MYO1E: variants seen among roughly 807,000 people sequenced by gnomAD.
MYO1E encodes unconventional myosin-Ie.
MYO1E carries 68 observed loss-of-function variants against 151.1 expected under a neutral mutation model. The ratio of observed to expected loss-of-function variants is 0.45; its 90% confidence interval spans 0.37 to 0.55. The LOEUF (loss-of-function observed/expected upper bound fraction) is 0.55, where lower values mean the gene tolerates loss of function less well. Among genes scored for constraint, MYO1E ranks in the 20% least tolerant of loss-of-function variants. The pLI, the probability that MYO1E is intolerant of heterozygous loss-of-function variation, is 0.00. For synonymous variants in MYO1E, 601 were observed against 501.7 expected (o/e 1.20, Z -2.64); for missense variants, 1,363 against 1,389.3 (o/e 0.98, Z 0.30).
chr15:59,246,747 C>G (rs1321260876), intron 4 of MYO1E, among the ~76,000 whole-genome samples: 2 of 152,192 alleles, frequency 1.3e-5, no homozygotes, highest in African/African-American at 4.8e-5. Context: ...GGCCCCCAGA[C>G]AAATCCACTG....
chr15:59,195,377 T>C, intron 17 of MYO1E, 84 bp downstream of exon 17: 1 of 1,220,586 alleles, frequency 8.2e-7, no homozygotes, highest in Non-Finnish European at 1.2e-6. Flanking sequence ...CAACTGACAC[T>C]GCTCCTGCCT....
rs754265600 is a variant in MYO1E at position 59,208,751 on chromosome 15, A to C, written c.1460T>G (p.Met487Arg). The C allele has an allele frequency of 1.9e-6, 3 of 1,614,194 alleles. No homozygotes were observed. Among genetic ancestry groups the C allele is most frequent in the Non-Finnish European group, 2.5e-6 (3 of 1,180,040 alleles). Residue 487 changes from methionine (M) to arginine (R), a missense_variant, in exon 14 of 28, where the codon ATG becomes AGG. Physicochemically the swap from Met to Arg is moderately conservative, Grantham distance 91. Coordinates refer to ENST00000288235, the MANE Select transcript of MYO1E (RefSeq NM_004998.4). ...GAAGTGCTCATGACTCCCAATCTGC[A>C]TCTGAAGTTTCTGGAGCAGCGTCTG... ...ADQTLLQKLQ[M>R]QIGSHEHFNS...
At chr15:59,148,779 C>T (rs1184416762) in intron 26 of MYO1E, among the ~76,000 whole-genome samples, 1 of 152,144 alleles carries the variant, frequency 6.6e-6, no homozygotes, top group Non-Finnish European at 1.5e-5. Flanking sequence ...GCCCAGAAGC[C>T]CTACCACTGA....
At chr15:59,181,230 G>C (rs1293589935) in intron 18 of MYO1E, among the ~76,000 whole-genome samples, 1 of 152,126 alleles carries the variant, frequency 6.6e-6, no homozygotes, top group East Asian at 1.9e-4. Context: ...CACATTCTGA[G>C]AGGCTAAGGT....
At chr15:59,349,925 G>C (rs1424625293) in intron 1 of MYO1E, among the ~76,000 whole-genome samples, 10 of 152,136 alleles carry the variant, frequency 6.6e-5, no homozygotes, top group African/African-American at 1.9e-4. Context: ...AGGTTTGTTA[G>C]AAAAACACTA....
At chr15:59,340,329 A>G (rs144043979) in intron 1 of MYO1E, among the ~76,000 whole-genome samples, 1 of 152,266 alleles carries the variant, frequency 6.6e-6, no homozygotes, top group African/African-American at 2.4e-5. Flanking sequence ...GCAATTTTTT[A>G]AACCCCGCCT....
chr15:59,292,873 G>A (rs1272108082), intron 1 of MYO1E, among the ~76,000 whole-genome samples: 1 of 152,204 alleles, frequency 6.6e-6, no homozygotes, highest in African/African-American at 2.4e-5. Flanking sequence ...CAGAGCTTGA[G>A]AGGTGACCTT....
intron 8 of MYO1E, 68 bp downstream of exon 8, chr15:59,224,621 G>A: frequency 1.9e-6 from 3 of 1,596,484 alleles, no homozygotes; most frequent in Non-Finnish European, 2.6e-6. Context: ...AACCTTCACT[G>A]CCCTTTTGGC....
In MYO1E at chr15:59,313,970, A is replaced by G. The variant is rs924157440; in HGVS notation, c.4-41521T>C. 7.0e-4 allele frequency among the ~76,000 whole-genome samples: 106 copies of G among 152,368 alleles called. 1 individual carries two copies. Among genetic ancestry groups the G allele is most frequent in the Non-Finnish European group, 5.9e-5 (4 of 68,040 alleles). On this transcript the variant is annotated intron_variant, in intron 1 of 27. Transcript: ENST00000288235. ...AGACTGACTGGAACAGGAGTTAGAC[A>G]GCGTGGCCTCCTGCCAGCTAAACCT... is the stretch of plus-strand genomic sequence containing the variant.
intron 16 of MYO1E, 98 bp downstream of exon 16, chr15:59,202,228 G>A (rs1398610245): frequency 1.3e-5 from 13 of 1,027,148 alleles, no homozygotes; most frequent in Non-Finnish European, 1.8e-5. Flanking sequence ...ACCTCCTCAC[G>A]TCTCACTGAC....
intron 6 of MYO1E, among the ~76,000 whole-genome samples, chr15:59,229,457 C>G (rs1179656120): frequency 6.6e-6 from 1 of 152,252 alleles, no homozygotes; most frequent in South Asian, 2.1e-4. Flanking sequence ...AAATTTCTAA[C>G]AAAAGGTTAA....
chr15:59,311,126 C>A lies in MYO1E; in HGVS notation c.4-38677G>T, dbSNP rs1261201100. On this transcript the variant is annotated intron_variant, in intron 1 of 27. Coordinates refer to ENST00000288235, the MANE Select transcript of MYO1E (RefSeq NM_004998.4). ...GTCAAGGCAACCATCCAGGGTGGCCCTGGATGTCCATCATAACGAGCAAAA... is the reference window on the plus strand; with the variant it reads ...GTCAAGGCAACCATCCAGGGTGGCCATGGATGTCCATCATAACGAGCAAAA... 2.6e-5 allele frequency among the ~76,000 whole-genome samples: 4 copies of A among 152,082 alleles called. No individual in the cohort carries two copies. In the East Asian group the frequency reaches 7.7e-4, roughly 29 times the overall value.
intron 4 of MYO1E, among the ~76,000 whole-genome samples, chr15:59,243,127 A>C (rs576568786): frequency 1.2e-4 from 18 of 146,012 alleles, no homozygotes; most frequent in African/African-American, 4.6e-4. Flanking sequence ...AAATATAGAG[A>C]GATATAGTAT....
chr15:59,151,299 A>C (rs2079477193), intron 26 of MYO1E, among the ~76,000 whole-genome samples: 1 of 151,704 alleles, frequency 6.6e-6, no homozygotes, highest in African/African-American at 2.4e-5. Flanking sequence ...GTGTGGTGGC[A>C]CGCACCTGTA....
intron 1 of MYO1E, among the ~76,000 whole-genome samples, chr15:59,335,200 G>A (rs1358441081): frequency 1.3e-5 from 2 of 152,134 alleles, no homozygotes; most frequent in African/African-American, 4.8e-5. Context: ...TATTATTAAA[G>A]TGCAATTTTG....
intron 7 of MYO1E, among the ~76,000 whole-genome samples, 195 bp downstream of exon 7, chr15:59,227,264 C>G (rs1397469393): frequency 6.6e-6 from 1 of 152,226 alleles, no homozygotes; most frequent in Admixed American, 6.5e-5. Context: ...GGAGGAATTT[C>G]TGTCTTATCA....
intron 4 of MYO1E, among the ~76,000 whole-genome samples, chr15:59,243,212 T>C (rs186296053): frequency 7.9e-5 from 12 of 152,122 alleles, no homozygotes; most frequent in African/African-American, 2.9e-4. Context: ...AACCAATTTT[T>C]GTAATTCTAG....
chr15:59,146,133 CTT>C (rs568348226), intron 26 of MYO1E, among the ~76,000 whole-genome samples: 30 of 152,290 alleles, frequency 2.0e-4, no homozygotes, highest in Admixed American at 7.8e-4. Context: ...CATCCTCCTG[CTT>C]TAGCTATCTG....
chr15:59,366,295 T>A lies in MYO1E; in HGVS notation c.3+6203A>T, dbSNP rs1479852076. On this transcript the variant is annotated intron_variant, in intron 1 of 27. Coordinates refer to ENST00000288235, the MANE Select transcript of MYO1E (RefSeq NM_004998.4). The stretch of plus-strand genomic sequence containing the variant: ...GGCCCAGCCCTGTCTCTTTCTTTTT[T>A]TTCTCTCTCTCTCTTTCTCTCTCTC... Among the ~76,000 whole-genome samples the A allele has an allele frequency of 5.4e-5, 3 of 56,060 alleles. No individual in the cohort carries two copies. In the Admixed American group the frequency reaches 6.8e-4, roughly 13 times the overall value. The allele number at this position is 56,060 out of a possible 152,430, so 36.8% of individuals were successfully genotyped here. A position where few individuals can be genotyped will look rare whatever the true frequency, so the allele number is the denominator to read the frequency against.
Sources: allele counts gnomAD v4.1 joint callset (sites outside exome capture counted in the v4.1 genomes callset), GRCh38; gene constraint gnomAD v4.1.1; transcripts MANE v1.5; gene names NCBI Gene and HGNC (gene_info 2026-07-23, HGNC 2026-07-21).